GUF1: variants seen among roughly 807,000 people sequenced by gnomAD.
The protein encoded by GUF1 is GTP binding elongation factor GUF1.
GUF1 carries 78 observed loss-of-function variants against 82.4 expected under a neutral mutation model. That is an observed-to-expected ratio of 0.95 (90% confidence interval 0.79 to 1.14). The LOEUF (loss-of-function observed/expected upper bound fraction) is 1.14. Ranked by LOEUF, GUF1 falls within the 50% of genes most tolerant of loss-of-function variation. The pLI, the probability that GUF1 is intolerant of heterozygous loss-of-function variation, is 0.00. For synonymous variants in GUF1, 279 were observed against 282.3 expected, an observed-to-expected ratio of 0.99 and a Z score of 0.12; for missense variants, 814 against 798.2, an observed-to-expected ratio of 1.02 and a Z score of -0.24.
chr4:44,696,426 A>G (rs1473410659), intron 15 of GUF1, among the ~76,000 whole-genome samples: 2 of 152,286 alleles, frequency 1.3e-5, no homozygotes, highest in East Asian at 1.9e-4. Context: ...TTTTTTAACA[A>G]AAACCCAAAA....
In GUF1 at chr4:44,698,667, C is replaced by T; in HGVS notation, c.1996C>T (p.Gln666Ter). 6.3e-7 allele frequency: 1 copy of T among 1,597,692 alleles called. No individual in the cohort carries two copies. ...TGCTTTTATAAAAGTTCTGAAAACA[C>T]AATCTTCTAAATAATTGGTGGGAAA... ...KDAFIKVLKT[Q>*]SSK Residue 666 changes from glutamine to a stop codon, truncating the protein, a stop_gained, in exon 17 of 17, where the codon CAA (glutamine) becomes TAA (stop). Coordinates refer to ENST00000281543, the MANE Select transcript of GUF1 (RefSeq NM_021927.3). LOFTEE classifies it high-confidence loss of function.
At position 44,700,222 on chromosome 4, in the gene GUF1, T is replaced by C. The variant is rs1716135246; in HGVS notation, c.*1541T>C. The C allele has an allele frequency of 6.6e-6, 1 of 152,152 alleles. No homozygotes were observed. The highest frequency in any genetic ancestry group is 1.5e-5 in the Non-Finnish European group (1 of 68,030). 9.4% of individuals were successfully genotyped at this position (152,152 alleles called of 1,614,324 possible). ...GGGAACTGATTGAGGCAAACCTGCCTCCCATTTTATTCCTAAATAAGACAG... is the reference window on the plus strand; with the variant it reads ...GGGAACTGATTGAGGCAAACCTGCCCCCCATTTTATTCCTAAATAAGACAG... On this transcript the variant is annotated 3_prime_UTR_variant, in exon 17 of 17. Transcript: ENST00000281543.
chr4:44,698,416 T>G (rs1392755798), intron 16 of GUF1, 128 bp from the exon 17 acceptor site: 2 of 664,252 alleles, frequency 3.0e-6, no homozygotes, highest in African/African-American at 1.9e-5. Context: ...CTAGGAAGAT[T>G]AGAGAGATGT....
chr4:44,684,860 T>G (rs536634510), intron 6 of GUF1, among the ~76,000 whole-genome samples: 17 of 152,274 alleles, frequency 1.1e-4, no homozygotes, highest in Admixed American at 1.0e-3. Flanking sequence ...GCAAGATAGC[T>G]TGTTGTCAGA....
In GUF1 at chr4:44,689,949, G is replaced by T. The variant is rs1263845116; in HGVS notation, c.1309G>T (p.Val437Leu). The T allele has an allele frequency of 3.2e-6, 5 of 1,584,056 alleles. No homozygotes were observed. The highest frequency in any genetic ancestry group is 4.3e-6 in the Non-Finnish European group (5 of 1,161,216). Reference protein sequence around the residue: ...LTTPTVPYKAVLSSSKLIKEH... With the variant: ...LTTPTVPYKALLSSSKLIKEH... ...AACCCCTACTGTTCCATATAAAGCT[G>T]TACTGTCATCATCAAAATTGATAAA... Residue 437 changes from valine to leucine, a missense_variant, in exon 11 of 17, where the codon GTA becomes TTA. Coordinates refer to ENST00000281543, the MANE Select transcript of GUF1 (RefSeq NM_021927.3).
chr4:44,688,713 C>A (rs376669565), intron 9 of GUF1, among the ~76,000 whole-genome samples: 12 of 152,046 alleles, frequency 7.9e-5, no homozygotes, highest in African/African-American at 2.9e-4. Context: ...GAATTAGGAA[C>A]TTTGTTTACC....
At chr4:44,691,928 A>G in intron 13 of GUF1, 129 bp downstream of exon 13, 1 of 664,090 alleles carries the variant, frequency 1.5e-6, no homozygotes, top group Non-Finnish European at 2.4e-6. Flanking sequence ...TCATACTCTA[A>G]GGTTAGAATG....
At position 44,688,016 on chromosome 4, in the gene GUF1, A is replaced by T. The variant is rs1715166614; in HGVS notation, c.948A>T (p.Gly316=). 1 of 1,611,642 alleles carries T rather than the reference A, an allele frequency of 6.2e-7. No homozygotes were observed. The highest frequency in any genetic ancestry group is 2.2e-5 in the East Asian group (1 of 44,836). Residue 316 remains glycine, a synonymous_variant, in exon 9 of 17, where the codon GGA becomes GGT. Coordinates refer to ENST00000281543, the MANE Select transcript of GUF1 (RefSeq NM_021927.3). ...TAATAATTTTATTTAGATATGCAGG[A>T]CAGGTGGGCTATCTGATTGCTGGGA... ...NEQPTHKLYA[G]QVGYLIAGMK... is the part of the protein sequence containing the mutation.
intron 13 of GUF1, chr4:44,693,876 T>A (rs1715606763): frequency 6.4e-6 from 1 of 156,550 alleles, no homozygotes; most frequent in Non-Finnish European, 1.4e-5. Context: ...TCTAATTGGT[T>A]TACATGTATT....
Position 44,680,422 on chromosome 4 carries a change from T to C in GUF1, c.166-19T>C. 8.4e-7 allele frequency: 1 copy of C among 1,188,360 alleles called. No individual in the cohort carries two copies. The highest frequency in any genetic ancestry group is 1.3e-5 in the South Asian group (1 of 76,736). The allele number at this position is 1,188,360 out of a possible 1,614,324, so 73.6% of individuals were successfully genotyped here. On this transcript the variant is annotated intron_variant, in intron 1 of 16. Transcript: ENST00000281543. ...TATGCCAAATTTATACTCCTAAATGTGGTATTTCCCCTTTCTAGGAAAAAC... is the reference window on the plus strand; with the variant it reads ...TATGCCAAATTTATACTCCTAAATGCGGTATTTCCCCTTTCTAGGAAAAAC...
intron 13 of GUF1, 72 bp from the exon 14 acceptor site, chr4:44,694,340 A>G (rs1179420710): frequency 1.2e-6 from 1 of 868,732 alleles, no homozygotes; most frequent in African/African-American, 1.7e-5. Flanking sequence ...GACATTTAGT[A>G]AAGAGTAAAG....
At chr4:44,697,354 C>T in intron 15 of GUF1, 54 bp from the exon 16 acceptor site, 1 of 1,096,176 alleles carries the variant, frequency 9.1e-7, no homozygotes, top group Non-Finnish European at 1.3e-6. Flanking sequence ...TAAGGAAGTG[C>T]TTTTAAACAG....
In GUF1 at chr4:44,699,212, T is replaced by C. The variant is rs1716058053; in HGVS notation, c.*531T>C. 1 of 152,422 alleles carries C rather than the reference T, an allele frequency of 6.6e-6. No homozygotes were observed. Among genetic ancestry groups the C allele is most frequent in the African/African-American group, 2.4e-5 (1 of 41,466 alleles). 9.4% of individuals were successfully genotyped at this position (152,422 alleles called of 1,614,324 possible). A position where few individuals can be genotyped will look rare whatever the true frequency, so the allele number is the denominator to read the frequency against. On this transcript the variant is annotated 3_prime_UTR_variant, in exon 17 of 17. Transcript: ENST00000281543. ...TTTCATTTTATTTTTATTTATTTTTTGAGACAGAGTCTTGCCCTGTCGCCC... is the reference window on the plus strand; with the variant it reads ...TTTCATTTTATTTTTATTTATTTTTCGAGACAGAGTCTTGCCCTGTCGCCC...
intron 8 of GUF1, 136 bp from the exon 9 acceptor site, chr4:44,687,871 T>TA: frequency 1.5e-6 from 1 of 666,730 alleles, no homozygotes; most frequent in Non-Finnish European, 2.5e-6. Flanking sequence ...TGATAATTGA[T>TA]ATGTAGCACT....
At chr4:44,698,431 C>CTT in intron 16 of GUF1, 113 bp from the exon 17 acceptor site, 1 of 748,012 alleles carries the variant, frequency 1.3e-6, no homozygotes, top group Non-Finnish European at 2.2e-6. Context: ...AGATGTCTGC[C>CTT]TTATGGATAA....
At chr4:44,691,418 A>T (rs920789160) in intron 12 of GUF1, among the ~76,000 whole-genome samples, 1 of 151,866 alleles carries the variant, frequency 6.6e-6, no homozygotes. Context: ...AGAAATTAGG[A>T]CTTTTGACTT....
rs1714722842 is a variant in GUF1, at chr4:44,680,760, GA to G, written c.346del (p.Ile116SerfsTer21). The G allele has an allele frequency of 6.2e-7, 1 of 1,611,436 alleles. No individual in the cohort carries two copies. On this transcript the variant is annotated frameshift_variant, in exon 3 of 17. Coordinates refer to ENST00000281543, the MANE Select transcript of GUF1 (RefSeq NM_021927.3). LOFTEE classifies it high-confidence loss of function. ...AAATTGCAAGTGGAACGAGAAAGAG[GA>G]ATCACTGTTAAAGCACAGACAGCAT... ...LDKLQVERER[G>X]ITVKAQTASL...
chr4:44,681,125 C>A lies in GUF1; in HGVS notation c.429C>A (p.Gly143=). Residue 143 remains glycine, a splice_region_variant and synonymous_variant, in exon 4 of 17, where the codon GGC becomes GGA. Transcript: ENST00000281543. ...QYLLNLIDTP[G]HVDFSYEVSR... Reference sequence around the variant, plus strand: ...GTATCAATATTTTTGTTTCTCAGGGCCATGTTGATTTTAGTTATGAAGTAT... The same window carrying A: ...GTATCAATATTTTTGTTTCTCAGGGACATGTTGATTTTAGTTATGAAGTAT... 2 of 1,612,172 alleles carry A rather than the reference C, an allele frequency of 1.2e-6. No individual in the cohort carries two copies. Among genetic ancestry groups the A allele is most frequent in the Middle Eastern group, 1.7e-4 (1 of 6,054 alleles).
In GUF1 at chr4:44,698,476, C is replaced by T. The variant is rs576593554; in HGVS notation, c.1873-68C>T. 41 of 1,228,830 alleles carry T rather than the reference C, an allele frequency of 3.3e-5. No homozygotes were observed. In the South Asian group the frequency reaches 4.6e-4, roughly 14 times the overall value. 76.1% of individuals were successfully genotyped at this position (1,228,830 alleles called of 1,614,324 possible). A position where few individuals can be genotyped will look rare whatever the true frequency, so the allele number is the denominator to read the frequency against. ...ATGGTTGTTAAGGTTGTACTGATGCCGCTGTAATCATATGATTGTTTCTCT... is the reference window on the plus strand; with the variant it reads ...ATGGTTGTTAAGGTTGTACTGATGCTGCTGTAATCATATGATTGTTTCTCT... On this transcript the variant is annotated intron_variant, in intron 16 of 16. Coordinates refer to ENST00000281543, the MANE Select transcript of GUF1 (RefSeq NM_021927.3).
Sources: allele counts gnomAD v4.1 joint callset (sites outside exome capture counted in the v4.1 genomes callset), GRCh38; gene constraint gnomAD v4.1.1; transcripts MANE v1.5; gene names NCBI Gene and HGNC (gene_info 2026-07-23, HGNC 2026-07-21).